MAN1C1: variants seen among roughly 807,000 people sequenced by gnomAD.
MAN1C1 encodes the protein mannosyl-oligosaccharide 1,2-alpha-mannosidase IC.
In MAN1C1, 49 loss-of-function variants were observed where a neutral mutation model predicts 71.5. That is an observed-to-expected ratio of 0.69 (90% CI 0.54 to 0.87). MAN1C1 has a LOEUF of 0.87. Among genes scored for constraint, MAN1C1 ranks in the 40% least tolerant of loss-of-function variants. The probability of loss-of-function intolerance (pLI) is 0.00; values close to 1 mark genes in which losing one functional copy is unlikely to be tolerated. For synonymous variants in MAN1C1, 352 were observed against 343.7 expected (o/e 1.02, Z -0.27); for missense variants, 743 against 835.0 (o/e 0.89, Z 1.36).
At chr1:25,618,394 C>T (rs1285358527) in intron 1 of MAN1C1, 57 bp downstream of exon 1, 6 of 1,498,058 alleles carry the variant, frequency 4.0e-6, no homozygotes, top group African/African-American at 2.9e-5. Context: ...GGAGAGAAGA[C>T]CCTCTGGCGC....
chr1:25,772,944 G>A (rs917400257), intron 8 of MAN1C1, among the ~76,000 whole-genome samples: 1 of 152,176 alleles, frequency 6.6e-6, no homozygotes, highest in East Asian at 1.9e-4. Context: ...CAATGGCTGG[G>A]TCCCTTTCAC....
intron 1 of MAN1C1, among the ~76,000 whole-genome samples, chr1:25,659,550 T>C (rs1385721807): frequency 1.3e-5 from 2 of 152,204 alleles, no homozygotes; most frequent in Admixed American, 1.3e-4. Flanking sequence ...AAAGAAATCT[T>C]TCTTTTTTAG....
chr1:25,701,608 A>G (rs142662730), intron 2 of MAN1C1, among the ~76,000 whole-genome samples: 7 of 152,302 alleles, frequency 4.6e-5, no homozygotes, highest in African/African-American at 1.7e-4. Context: ...GCAGCAACAC[A>G]TGGTATTGGC....
At chr1:25,656,130 C>G (rs1339996962) in intron 1 of MAN1C1, among the ~76,000 whole-genome samples, 1 of 74,230 alleles carries the variant, frequency 1.3e-5, no homozygotes. Flanking sequence ...GACAGTCTCA[C>G]TCTGTCGCCT....
chr1:25,627,166 C>T (rs571997203), intron 1 of MAN1C1, among the ~76,000 whole-genome samples: 33 of 152,300 alleles, frequency 2.2e-4, no homozygotes, highest in Admixed American at 9.2e-4. Context: ...TTGATGCCTT[C>T]GCTGAACTAA....
chr1:25,702,994 T>C (rs2046467047), intron 2 of MAN1C1, among the ~76,000 whole-genome samples: 2 of 152,254 alleles, frequency 1.3e-5, no homozygotes, highest in Non-Finnish European at 2.9e-5. Context: ...CAGAATTGCC[T>C]GCAGGGCTTT....
At chr1:25,726,500 G>A (rs1383642640) in intron 2 of MAN1C1, among the ~76,000 whole-genome samples, 1 of 152,156 alleles carries the variant, frequency 6.6e-6, no homozygotes, top group Non-Finnish European at 1.5e-5. Context: ...TGACCAGCAT[G>A]TGTGCATTTT....
chr1:25,763,567 G>A (rs2047389135), intron 6 of MAN1C1: 1 of 288,098 alleles, frequency 3.5e-6, no homozygotes, highest in African/African-American at 2.2e-5. Flanking sequence ...AGGAAGTGTT[G>A]AGAGTTGGGT....
intron 4 of MAN1C1, among the ~76,000 whole-genome samples, chr1:25,751,208 TTTCCTTCCTTCC>T (rs373548922): frequency 7.3e-4 from 95 of 129,864 alleles, no homozygotes; most frequent in African/African-American, 2.3e-3. Context: ...TCCATTCGTC[TTTCCTTCCTTCC>T]TTCCTTCCTT....
At chr1:25,663,189 A>G (rs2045876081) in intron 1 of MAN1C1, among the ~76,000 whole-genome samples, 1 of 148,194 alleles carries the variant, frequency 6.7e-6, no homozygotes, top group African/African-American at 2.5e-5. Context: ...TTTTAAATAT[A>G]TATAAAATAC....
At chr1:25,630,854 A>G (rs539875481) in intron 1 of MAN1C1, among the ~76,000 whole-genome samples, 54 of 152,330 alleles carry the variant, frequency 3.5e-4, no homozygotes, top group African/African-American at 1.3e-3. Flanking sequence ...TCATCTGTGA[A>G]CAGTGATAGT....
chr1:25,669,191 A>G (rs1366788348), intron 1 of MAN1C1, among the ~76,000 whole-genome samples: 1 of 152,196 alleles, frequency 6.6e-6, no homozygotes, highest in East Asian at 1.9e-4. Context: ...GCTGGTTTAC[A>G]GGCCCCAGCA....
intron 1 of MAN1C1, among the ~76,000 whole-genome samples, chr1:25,677,846 CTTTTTTT>C (rs772618301): frequency 1.0e-5 from 1 of 98,308 alleles, no homozygotes; most frequent in Non-Finnish European, 1.8e-5. Context: ...TAAAGACCTC[CTTTTTTT>C]TTTTTTTTTT....
At chr1:25,662,967 A>C (rs1277354447) in intron 1 of MAN1C1, among the ~76,000 whole-genome samples, 2 of 151,558 alleles carry the variant, frequency 1.3e-5, no homozygotes, top group Non-Finnish European at 2.9e-5. Context: ...GCTGAGGCAG[A>C]AGAATTGCTT....
In MAN1C1 at chr1:25,617,382, T is replaced by G. The variant is rs1449091766; in HGVS notation, c.-416T>G. The G allele has an allele frequency of 6.6e-6, 1 of 151,216 alleles. No homozygotes were observed. The highest frequency in any genetic ancestry group is 1.5e-5 in the Non-Finnish European group (1 of 67,892). The allele number at this position is 151,216 out of a possible 1,614,324, so 9.4% of individuals were successfully genotyped here. On this transcript the variant is annotated 5_prime_UTR_variant, in exon 1 of 12. Coordinates refer to ENST00000374332, the MANE Select transcript of MAN1C1 (RefSeq NM_020379.4). The surrounding 1 kb of genome is among the most constrained non-coding windows in gnomAD (Gnocchi z 5.1). ...GGGAGCCTAGGGGGCGGAGGGCGGC[T>G]TGGTGCGGGCCTGCGGGCGCCCCTC...
At chr1:25,767,135 G>T (rs2047438493) in intron 7 of MAN1C1, among the ~76,000 whole-genome samples, 1 of 151,494 alleles carries the variant, frequency 6.6e-6, no homozygotes, top group African/African-American at 2.4e-5. Flanking sequence ...CGCAGTGTTG[G>T]GGAAGACCAC....
chr1:25,739,808 A>G (rs1350127677), intron 2 of MAN1C1, among the ~76,000 whole-genome samples: 1 of 152,156 alleles, frequency 6.6e-6, no homozygotes, highest in East Asian at 1.9e-4. Flanking sequence ...GTAGACACTT[A>G]ACCCTGCTCT....
At chr1:25,734,871 T>G (rs1183990141) in intron 2 of MAN1C1, among the ~76,000 whole-genome samples, 1 of 152,236 alleles carries the variant, frequency 6.6e-6, no homozygotes, top group Non-Finnish European at 1.5e-5. Context: ...ACAATGCCTT[T>G]GATATAAACG....
chr1:25,655,557 C>G (rs572291612), intron 1 of MAN1C1, among the ~76,000 whole-genome samples: 1 of 152,288 alleles, frequency 6.6e-6, no homozygotes. Flanking sequence ...CAGGTTCTTT[C>G]CTCTGGCCCT....
Sources: gnomAD v4.1 joint callset for allele counts (sites outside exome capture counted in the v4.1 genomes callset) on GRCh38, gnomAD v4.1.1 for gene constraint, Gnocchi (gnomAD v3.1) non-coding constraint, MANE v1.5 for transcripts, NCBI Gene and HGNC (gene_info 2026-07-23, HGNC 2026-07-21) for gene names.